PLXDC2: variants seen among roughly 807,000 people sequenced by gnomAD.
PLXDC2 encodes the protein plexin domain-containing protein 2.
Under a neutral mutation model 68.9 loss-of-function variants are expected in PLXDC2, and 40 were observed. The observed-to-expected ratio is 0.58, with a 90% CI of 0.45 to 0.76. PLXDC2 has a LOEUF of 0.76. Among genes scored for constraint, PLXDC2 ranks in the 30% least tolerant of loss-of-function variants. The pLI is 0.00. For synonymous variants in PLXDC2, 243 were observed against 234.2 expected (o/e 1.04, Z -0.34); for missense variants, 644 against 661.9 (o/e 0.97, Z 0.30).
chr10:19,879,140 A>G (rs1310530362), intron 1 of PLXDC2, among the ~76,000 whole-genome samples: 1 of 152,186 alleles, frequency 6.6e-6, no homozygotes, highest in Non-Finnish European at 1.5e-5. Context: ...AGGAAAAATA[A>G]CATCCCTTCA....
chr10:20,288,948 C>T lies in PLXDC2; in HGVS notation c.*9129C>T, dbSNP rs548691388. 1 of 152,108 alleles carries T rather than the reference C, an allele frequency of 6.6e-6. No homozygotes were observed. The highest frequency in any genetic ancestry group is 1.5e-5 in the Non-Finnish European group (1 of 68,034). The allele number at this position is 152,108 out of a possible 1,614,324, so 9.4% of individuals were successfully genotyped here. ...GTTTTTCACTTACAGTAGGAGTCAACAAATTTGGGATTTTAGAAGGGGGAG... is the reference window on the plus strand; with the variant it reads ...GTTTTTCACTTACAGTAGGAGTCAATAAATTTGGGATTTTAGAAGGGGGAG... On this transcript the variant is annotated 3_prime_UTR_variant, in exon 14 of 14. Coordinates refer to ENST00000377252, the MANE Select transcript of PLXDC2 (RefSeq NM_032812.9).
intron 1 of PLXDC2, among the ~76,000 whole-genome samples, chr10:19,948,324 T>C (rs1386505047): frequency 6.6e-6 from 1 of 151,620 alleles, no homozygotes; most frequent in African/African-American, 2.4e-5. Flanking sequence ...ATGGGGAAAA[T>C]AAACAAGACT....
Position 20,115,041 on chromosome 10 carries a change from T to C in PLXDC2, c.542-28254T>C, listed in dbSNP as rs1371016965. 2.6e-5 allele frequency among the ~76,000 whole-genome samples: 4 copies of C among 152,144 alleles called. No homozygotes were observed. In the East Asian group the frequency reaches 7.7e-4, roughly 29 times the overall value. On this transcript the variant is annotated intron_variant, in intron 4 of 13. Coordinates refer to ENST00000377252, the MANE Select transcript of PLXDC2 (RefSeq NM_032812.9). ...GCAATGCAATTTTTTTTTACCACTT[T>C]CTCTTCAAATACAGTTGTTTCCTGA...
chr10:20,201,741 A>G (rs567429150), intron 9 of PLXDC2, among the ~76,000 whole-genome samples: 66 of 152,242 alleles, frequency 4.3e-4, no homozygotes, highest in Non-Finnish European at 8.5e-4. Flanking sequence ...CCCATTAAAT[A>G]TGTAAAATTG....
At chr10:20,100,323 T>C (rs969468160) in intron 4 of PLXDC2, among the ~76,000 whole-genome samples, 2 of 152,184 alleles carry the variant, frequency 1.3e-5, no homozygotes, top group Admixed American at 1.3e-4. Flanking sequence ...TGTTTATAAA[T>C]GTGTAATTCC....
intron 9 of PLXDC2, among the ~76,000 whole-genome samples, chr10:20,190,129 G>A (rs1273769400): frequency 6.6e-6 from 1 of 151,886 alleles, no homozygotes; most frequent in African/African-American, 2.4e-5. Context: ...GATGATCCAA[G>A]TAATGTTAAA....
chr10:19,872,907 G>C lies in PLXDC2; in HGVS notation c.112+55716G>C, dbSNP rs561045087. ...CTCCTTGAAGGTCACCAGTGTGCGGGAAAGAGTCTGGACTGTTTGGTTCAC... is the reference window on the plus strand; with the variant it reads ...CTCCTTGAAGGTCACCAGTGTGCGGCAAAGAGTCTGGACTGTTTGGTTCAC... On this transcript the variant is annotated intron_variant, in intron 1 of 13. Transcript: ENST00000377252. Among the ~76,000 whole-genome samples, 8 of 152,258 alleles carry C rather than the reference G, an allele frequency of 5.3e-5. No individual in the cohort carries two copies. In the East Asian group the frequency reaches 1.5e-3, roughly 29 times the overall value.
chr10:20,136,063 G>GT (rs1424298727), intron 4 of PLXDC2, among the ~76,000 whole-genome samples: 1 of 152,092 alleles, frequency 6.6e-6, no homozygotes, highest in Non-Finnish European at 1.5e-5. Context: ...CAATATTATA[G>GT]TTTTCTTCCT....
chr10:20,106,205 A>C (rs1458513035), intron 4 of PLXDC2, among the ~76,000 whole-genome samples: 1 of 152,192 alleles, frequency 6.6e-6, no homozygotes, highest in African/African-American at 2.4e-5. Flanking sequence ...ATCTCCACTT[A>C]GACATAAGTT....
At chr10:19,829,224 C>T (rs182174015) in intron 1 of PLXDC2, among the ~76,000 whole-genome samples, 6 of 113,164 alleles carry the variant, frequency 5.3e-5, no homozygotes, top group African/African-American at 1.7e-4. Flanking sequence ...ATGTCTTTAT[C>T]GTTTCACTGA....
chr10:20,239,295 C>T (rs1375003035), intron 12 of PLXDC2, among the ~76,000 whole-genome samples: 2 of 152,096 alleles, frequency 1.3e-5, no homozygotes, highest in African/African-American at 2.4e-5. Flanking sequence ...CTTTAATATT[C>T]CCCTAAAGCC....
rs1026895865 is a variant in PLXDC2 at position 20,289,374 on chromosome 10, C to A, written c.*9555C>A. 1.3e-5 allele frequency: 2 copies of A among 152,208 alleles called. No homozygotes were observed. The highest frequency in any genetic ancestry group is 2.9e-5 in the Non-Finnish European group (2 of 68,048). 9.4% of individuals were successfully genotyped at this position (152,208 alleles called of 1,614,324 possible). A position where few individuals can be genotyped will look rare whatever the true frequency, so the allele number is the denominator to read the frequency against. ...TGGGATTTTAGCTGCTGCTTTAAAT[C>A]CTAGTGCTGGAATAAGTCAAGGTAC... is the stretch of plus-strand genomic sequence containing the variant. On this transcript the variant is annotated 3_prime_UTR_variant, in exon 14 of 14. Transcript: ENST00000377252.
chr10:20,248,488 T>G (rs981412444), intron 13 of PLXDC2, among the ~76,000 whole-genome samples: 2 of 152,216 alleles, frequency 1.3e-5, no homozygotes, highest in Non-Finnish European at 2.9e-5. Flanking sequence ...TAACTCTTTC[T>G]TCTTTTCACA....
At chr10:19,986,021 G>T (rs1834631794) in intron 1 of PLXDC2, among the ~76,000 whole-genome samples, 1 of 152,206 alleles carries the variant, frequency 6.6e-6, no homozygotes, top group Non-Finnish European at 1.5e-5. Flanking sequence ...TTTGGCTGGG[G>T]CTTCTGCAAA....
chr10:20,251,042 A>C (rs560077531), intron 13 of PLXDC2, among the ~76,000 whole-genome samples: 12 of 152,350 alleles, frequency 7.9e-5, no homozygotes, highest in African/African-American at 2.9e-4. Flanking sequence ...CTCCATAAAC[A>C]AGTGAATTAA....
intron 12 of PLXDC2, among the ~76,000 whole-genome samples, chr10:20,226,604 A>T (rs750508016): frequency 6.6e-6 from 1 of 152,246 alleles, no homozygotes; most frequent in African/African-American, 2.4e-5. Flanking sequence ...GAAAAATCAC[A>T]TCAGGATATA....
intron 1 of PLXDC2, among the ~76,000 whole-genome samples, chr10:19,955,338 C>T (rs1250006967): frequency 5.3e-5 from 8 of 151,802 alleles, no homozygotes; most frequent in Non-Finnish European, 4.4e-5. Flanking sequence ...CAGCCTCTTT[C>T]CTGGATTTTG....
intron 3 of PLXDC2, among the ~76,000 whole-genome samples, chr10:20,054,442 G>A (rs746689213): frequency 5.9e-5 from 9 of 152,008 alleles, no homozygotes; most frequent in Admixed American, 1.3e-4. Flanking sequence ...GATGGATGAC[G>A]GATGGAAGAA....
At chr10:20,205,595 A>G (rs1834980568) in intron 9 of PLXDC2, among the ~76,000 whole-genome samples, 1 of 152,070 alleles carries the variant, frequency 6.6e-6, no homozygotes, top group Non-Finnish European at 1.5e-5. Flanking sequence ...ATTAACTCCT[A>G]AACATTTTCT....
Sources: gnomAD v4.1 joint callset for allele counts (sites outside exome capture counted in the v4.1 genomes callset) on GRCh38, gnomAD v4.1.1 for gene constraint, MANE v1.5 for transcripts, NCBI Gene and HGNC (gene_info 2026-07-23, HGNC 2026-07-21) for gene names.